SLC14A1: variants seen among roughly 807,000 people sequenced by gnomAD.
The protein encoded by SLC14A1 is urea transporter 1.
In SLC14A1, 36 loss-of-function variants were observed where a neutral mutation model predicts 39.6. The ratio of observed to expected loss-of-function variants is 0.91; its 90% CI spans 0.70 to 1.20. The LOEUF is 1.20. Among genes scored for constraint, SLC14A1 ranks in the 50% most tolerant of loss-of-function variants. SLC14A1 has a pLI of 0.00. For missense variants in SLC14A1, 469 were observed against 478.7 expected (o/e 0.98, Z 0.19); for synonymous variants, 164 against 173.6 (o/e 0.94, Z 0.43).
chr18:45,728,601 AAAAT>A (rs2046935943), intron 2 of SLC14A1, among the ~76,000 whole-genome samples: 2 of 152,234 alleles, frequency 1.3e-5, no homozygotes, highest in South Asian at 2.1e-4. Context: ...AGATAATCTG[AAAAT>A]AAATGACAGC....
In SLC14A1 at chr18:45,750,186, GGGCCTT is replaced by G; in HGVS notation, c.*239_*244del. The G allele has an allele frequency of 7.0e-7, 1 of 1,420,332 alleles. No homozygotes were observed. The highest frequency in any genetic ancestry group is 9.2e-7 in the Non-Finnish European group (1 of 1,091,688). The allele number at this position is 1,420,332 out of a possible 1,614,324, so 88.0% of individuals were successfully genotyped here. A position where few individuals can be genotyped will look rare whatever the true frequency, so the allele number is the denominator to read the frequency against. On this transcript the variant is annotated 3_prime_UTR_variant, in exon 10 of 10. Transcript: ENST00000321925. ...TGGTATGGAATTTGAAACCCCAATGGGGCCTTGGCACTAAGACTGGAATGTATATAA... is the reference window on the plus strand; with the variant it reads ...TGGTATGGAATTTGAAACCCCAATGGGGCACTAAGACTGGAATGTATATAA...
At chr18:45,740,182 G>T (rs1025772648) in intron 8 of SLC14A1, among the ~76,000 whole-genome samples, 1 of 152,164 alleles carries the variant, frequency 6.6e-6, no homozygotes, top group Non-Finnish European at 1.5e-5. Flanking sequence ...CAACTGACTT[G>T]TCTTGCGTTC....
intron 8 of SLC14A1, among the ~76,000 whole-genome samples, chr18:45,745,733 C>T (rs1218699320): frequency 6.6e-6 from 1 of 152,162 alleles, no homozygotes; most frequent in East Asian, 1.9e-4. Flanking sequence ...CCAAAAGAGC[C>T]ATACCAGTTT....
rs781216813 is a variant in SLC14A1, at chr18:45,736,460, A to G, written c.475A>G (p.Ile159Val). Reference sequence around the variant, plus strand: ...TTTGCTCTGTTCTTTTTTTAGCCCAATTTTCTCAAGTGCATTGAATTCCAT... The same window carrying G: ...TTTGCTCTGTTCTTTTTTTAGCCCAGTTTTCTCAAGTGCATTGAATTCCAT... ...PVCAMSMTCP[I>V]FSSALNSMLS... Residue 159 changes from isoleucine (I) to valine (V), a missense_variant, in exon 6 of 10, where the codon ATT becomes GTT. Coordinates refer to ENST00000321925, the MANE Select transcript of SLC14A1 (RefSeq NM_015865.7). The G allele has an allele frequency of 1.8e-5, 29 of 1,613,666 alleles. No individual in the cohort carries two copies. The highest frequency in any genetic ancestry group is 3.3e-5 in the Admixed American group (2 of 59,978).
At position 45,750,502 on chromosome 18, in the gene SLC14A1, C is replaced by A. The variant is rs890503946; in HGVS notation, c.*551C>A. ...GAGCTCAGTCCCCACTTCCTGCAAA[C>A]AATGGCCTGCACCCTATCCCTTGTG... On this transcript the variant is annotated 3_prime_UTR_variant, in exon 10 of 10. Transcript: ENST00000321925. 2 of 1,021,744 alleles carry A rather than the reference C, an allele frequency of 2.0e-6. No individual in the cohort carries two copies. Among genetic ancestry groups the A allele is most frequent in the African/African-American group, 1.7e-5 (1 of 57,720 alleles). 63.3% of individuals were successfully genotyped at this position (1,021,744 alleles called of 1,614,324 possible).
At position 45,731,192 on chromosome 18, in the gene SLC14A1, T is replaced by C. The variant is rs1300414157; in HGVS notation, c.329T>C (p.Leu110Pro). The C allele has an allele frequency of 3.7e-6, 6 of 1,613,564 alleles. No individual in the cohort carries two copies. The highest frequency in any genetic ancestry group is 5.1e-6 in the Non-Finnish European group (6 of 1,179,934). ...TVVSTLMALLLSQDRSLIASG... is the reference protein window; with the variant it reads ...TVVSTLMALLPSQDRSLIASG... Reference sequence around the variant, plus strand: ...GTCTCCACTCTGATGGCCCTCTTGCTCAGCCAGGACAGGTAGGTGTACCCT... The same window carrying C: ...GTCTCCACTCTGATGGCCCTCTTGCCCAGCCAGGACAGGTAGGTGTACCCT... Residue 110 changes from leucine (L) to proline (P), a missense_variant, in exon 4 of 10, where the codon CTC (leucine) becomes CCC (proline). Coordinates refer to ENST00000321925, the MANE Select transcript of SLC14A1 (RefSeq NM_015865.7).
rs2047734351 is a variant in SLC14A1, at chr18:45,752,382, AATG to A, written c.*2434_*2436del. 3 of 272,476 alleles carry A rather than the reference AATG, an allele frequency of 1.1e-5. No individual in the cohort carries two copies. Among genetic ancestry groups the A allele is most frequent in the African/African-American group, 6.9e-5 (3 of 43,644 alleles). 16.9% of individuals were successfully genotyped at this position (272,476 alleles called of 1,614,324 possible). A position where few individuals can be genotyped will look rare whatever the true frequency, so the allele number is the denominator to read the frequency against. ...GGAACATTGTACATTGTCGAATTTA[AATG>A]ATATTAATTTTCTCAAGCTATTTTT... On this transcript the variant is annotated 3_prime_UTR_variant, in exon 10 of 10. Coordinates refer to ENST00000321925, the MANE Select transcript of SLC14A1 (RefSeq NM_015865.7).
intron 8 of SLC14A1, 26 bp from the exon 9 acceptor site, chr18:45,748,350 T>C (rs1295900616): frequency 6.2e-7 from 1 of 1,613,562 alleles, no homozygotes; most frequent in Non-Finnish European, 8.5e-7. Context: ...GAAGCATTGT[T>C]CTTTCCCTCC....
intron 2 of SLC14A1, chr18:45,729,168 T>C (rs1337311907): frequency 6.6e-6 from 1 of 152,186 alleles, no homozygotes; most frequent in East Asian, 1.9e-4. Flanking sequence ...GTGTCTTATG[T>C]GGCTGTGGCT....
Position 45,750,550 on chromosome 18 carries a change from C to A in SLC14A1, c.*599C>A. The A allele has an allele frequency of 1.0e-6, 1 of 988,400 alleles. No individual in the cohort carries two copies. The highest frequency in any genetic ancestry group is 1.2e-6 in the Non-Finnish European group (1 of 831,862). 61.2% of individuals were successfully genotyped at this position (988,400 alleles called of 1,614,324 possible). A position where few individuals can be genotyped will look rare whatever the true frequency, so the allele number is the denominator to read the frequency against. ...GTGTGTGTGACATTCTCTCATGGGACAATGTTGGGGTTTTTCAGACTGACA... is the reference window on the plus strand; with the variant it reads ...GTGTGTGTGACATTCTCTCATGGGAAAATGTTGGGGTTTTTCAGACTGACA... On this transcript the variant is annotated 3_prime_UTR_variant, in exon 10 of 10. Coordinates refer to ENST00000321925, the MANE Select transcript of SLC14A1 (RefSeq NM_015865.7).
chr18:45,730,154 TGTG>T, intron 2 of SLC14A1, 143 bp from the exon 3 acceptor site: 1 of 792,712 alleles, frequency 1.3e-6, no homozygotes, highest in Non-Finnish European at 1.9e-6. Context: ...TAATAAGCTC[TGTG>T]GTGGTGTTTC....
At chr18:45,727,258 G>A in intron 2 of SLC14A1, 2 of 1,551,494 alleles carry the variant, frequency 1.3e-6, no homozygotes, top group Non-Finnish European at 1.7e-6. Context: ...GTCATGTATT[G>A]AGAAAAAGTA....
At chr18:45,727,083 T>C in intron 2 of SLC14A1, 1 of 578,044 alleles carries the variant, frequency 1.7e-6, no homozygotes, top group East Asian at 2.9e-5. Context: ...GAGAGCTCTT[T>C]GGTGAAGGCA....
intron 3 of SLC14A1, 53 bp from the exon 4 acceptor site, chr18:45,730,962 G>A: frequency 6.5e-7 from 1 of 1,528,550 alleles, no homozygotes; most frequent in South Asian, 1.1e-5. Flanking sequence ...GCCTGTGGTT[G>A]AAGAGTATCA....
At chr18:45,748,333 C>T in intron 8 of SLC14A1, 43 bp from the exon 9 acceptor site, 2 of 1,600,192 alleles carry the variant, frequency 1.2e-6, no homozygotes, top group Non-Finnish European at 1.7e-6. Context: ...ATTAAAAGTG[C>T]ATCTACGAAG....
rs1412472011 is a variant in SLC14A1, at chr18:45,736,558, A to T, written c.573A>T (p.Thr191=). 1.2e-6 allele frequency: 2 copies of T among 1,614,158 alleles called. No homozygotes were observed. Among genetic ancestry groups the T allele is most frequent in the Non-Finnish European group, 1.7e-6 (2 of 1,179,980 alleles). Residue 191 remains threonine, a synonymous_variant, in exon 6 of 10, where the codon ACA becomes ACT. Coordinates refer to ENST00000321925, the MANE Select transcript of SLC14A1 (RefSeq NM_015865.7). The part of the protein sequence containing the change: ...NMALSMYLSA[T]GHYNPFFPAK... Reference sequence around the variant, plus strand: ...CGTTGTCAATGTACCTTTCAGCCACAGGACATTACAATCCATTCTTTCCAG... The same window carrying T: ...CGTTGTCAATGTACCTTTCAGCCACTGGACATTACAATCCATTCTTTCCAG...
chr18:45,737,648 A>C (rs570858436), intron 6 of SLC14A1: 1 of 152,346 alleles, frequency 6.6e-6, no homozygotes, highest in Admixed American at 6.5e-5. Context: ...TACCCATGAA[A>C]AATAACAGTA....
chr18:45,735,791 G>T (rs2047176786), intron 5 of SLC14A1, among the ~76,000 whole-genome samples: 1 of 152,234 alleles, frequency 6.6e-6, no homozygotes, highest in African/African-American at 2.4e-5. Flanking sequence ...GAAAATGGGA[G>T]TTCTGGTCTT....
At chr18:45,733,677 G>A (rs965341332) in intron 4 of SLC14A1, among the ~76,000 whole-genome samples, 1 of 152,218 alleles carries the variant, frequency 6.6e-6, no homozygotes, top group African/African-American at 2.4e-5. Context: ...CTCAGCCACT[G>A]TAGACCTGTC....
Sources: allele counts gnomAD v4.1 joint callset (sites outside exome capture counted in the v4.1 genomes callset), GRCh38; gene constraint gnomAD v4.1.1; transcripts MANE v1.5; gene names NCBI Gene and HGNC (gene_info 2026-07-23, HGNC 2026-07-21).